The following C13orf42 variants were observed in gnomAD, a reference collection of about 807,000 sequenced individuals.
C13orf42 encodes chromosome 13 open reading frame 42.
chr13:51,123,776 T>G (rs1953555098), intron 1 of C13orf42, among the ~76,000 whole-genome samples: 1 of 152,142 alleles, frequency 6.6e-6, no homozygotes, highest in Non-Finnish European at 1.5e-5. Flanking sequence ...AAACTATAAC[T>G]GAGAAAATTA....
intron 1 of C13orf42, among the ~76,000 whole-genome samples, chr13:51,138,303 T>A (rs1398393496): frequency 6.6e-6 from 1 of 152,244 alleles, no homozygotes; most frequent in African/African-American, 2.4e-5. Context: ...ACACTACAGT[T>A]ATCTTGTACT....
chr13:51,165,296 T>C (rs1273778205), intron 1 of C13orf42, among the ~76,000 whole-genome samples: 1 of 152,260 alleles, frequency 6.6e-6, no homozygotes, highest in Non-Finnish European at 1.5e-5. Flanking sequence ...GTAGCCACTC[T>C]TCTTCTAGCC....
chr13:51,136,580 G>T (rs1593547707), intron 1 of C13orf42, among the ~76,000 whole-genome samples: 1 of 152,292 alleles, frequency 6.6e-6, no homozygotes, highest in East Asian at 1.9e-4. Context: ...TATAAAGCAG[G>T]TCCCAGAGCT....
chr13:51,096,605 A>G (rs571635987), intron 1 of C13orf42, among the ~76,000 whole-genome samples: 7 of 152,176 alleles, frequency 4.6e-5, no homozygotes, highest in Non-Finnish European at 7.4e-5. Flanking sequence ...AGTAACTTCA[A>G]CATTCCAATA....
intron 1 of C13orf42, among the ~76,000 whole-genome samples, chr13:51,157,861 A>C (rs908631554): frequency 6.6e-6 from 1 of 152,232 alleles, no homozygotes; most frequent in Non-Finnish European, 1.5e-5. Flanking sequence ...CTCTCACAAA[A>C]GATTTAAAAT....
At chr13:51,094,274 T>G (rs1193928305) in intron 1 of C13orf42, among the ~76,000 whole-genome samples, 1 of 152,198 alleles carries the variant, frequency 6.6e-6, no homozygotes, top group Non-Finnish European at 1.5e-5. Flanking sequence ...GTTACGGATT[T>G]TATTGCTACA....
At chr13:51,119,249 G>A (rs986913565) in intron 1 of C13orf42, among the ~76,000 whole-genome samples, 2 of 152,078 alleles carry the variant, frequency 1.3e-5, no homozygotes, top group African/African-American at 4.8e-5. Context: ...TCATCAAGAG[G>A]AAATGAGAGG....
At chr13:51,155,394 A>G (rs560227931) in intron 1 of C13orf42, among the ~76,000 whole-genome samples, 10 of 152,374 alleles carry the variant, frequency 6.6e-5, no homozygotes, top group African/African-American at 2.4e-4. Flanking sequence ...AGGGGATTCA[A>G]GAAAGGCTTC....
At chr13:51,108,030 C>A (rs1953380100) in intron 1 of C13orf42, among the ~76,000 whole-genome samples, 1 of 152,228 alleles carries the variant, frequency 6.6e-6, no homozygotes, top group Admixed American at 6.5e-5. Flanking sequence ...CATGCTCCCT[C>A]TGAAGGTGCT....
intron 1 of C13orf42, among the ~76,000 whole-genome samples, chr13:51,156,222 G>A (rs1440142465): frequency 6.6e-6 from 1 of 152,084 alleles, no homozygotes; most frequent in African/African-American, 2.4e-5. Context: ...CAAACAGTTT[G>A]GCTAGGCCTA....
At chr13:51,141,175 G>A (rs1464539936) in intron 1 of C13orf42, among the ~76,000 whole-genome samples, 8 of 148,208 alleles carry the variant, frequency 5.4e-5, no homozygotes. Flanking sequence ...TTGTATTTTG[G>A]GGGGATTTTT....
At chr13:51,116,475 TCCAGGTGAAGG>T (rs1953493467) in intron 1 of C13orf42, among the ~76,000 whole-genome samples, 1 of 152,316 alleles carries the variant, frequency 6.6e-6, no homozygotes, top group East Asian at 1.9e-4. Flanking sequence ...AAGTGCTCTC[TCCAGGTGAAGG>T]CCAGGTAAGC....
upstream of C13orf42, among the ~76,000 whole-genome samples, chr13:51,115,527 A>C (rs1264183123): frequency 6.6e-6 from 1 of 152,158 alleles, no homozygotes; most frequent in Non-Finnish European, 1.5e-5. Context: ...ACCAGCCTGC[A>C]ACTGTACTTC....
chr13:51,170,255 A>G (rs1566145244), intron 1 of C13orf42, among the ~76,000 whole-genome samples: 1 of 152,240 alleles, frequency 6.6e-6, no homozygotes, highest in East Asian at 1.9e-4. Flanking sequence ...CAGGTGAAAT[A>G]AACAGCCATG....
At chr13:51,161,963 G>A (rs935722597) in intron 1 of C13orf42, 3 of 463,672 alleles carry the variant, frequency 6.5e-6, no homozygotes, top group Non-Finnish European at 1.3e-5. Flanking sequence ...TTCATCTCTG[G>A]TTACCTCCAC....
intron 1 of C13orf42, among the ~76,000 whole-genome samples, chr13:51,127,687 A>G (rs550315154): frequency 1.3e-5 from 2 of 152,382 alleles, no homozygotes; most frequent in Admixed American, 6.5e-5. Flanking sequence ...TTATATGCCT[A>G]TAAGACAATA....
In C13orf42 at chr13:51,110,997, C is replaced by A; in HGVS notation, c.213G>T (p.Gln71His). The change falls in exon 1 of 4, where the codon CAG becomes CAT. Residue 71 changes from glutamine (Q) to histidine (H), a missense_variant. Gln to His is a conservative substitution (Grantham distance 24). Coordinates refer to ENST00000563710, the MANE Select transcript of C13orf42 (RefSeq NM_001351589.3). Reference sequence around the variant, plus strand: ...AATACATCCACGCCCGGTCCTCCTCCTGCCGCAGGTAGTACAGGCTGGTGT... The same window carrying A: ...AATACATCCACGCCCGGTCCTCCTCATGCCGCAGGTAGTACAGGCTGGTGT... ...SMDTSLYYLR[Q>H]EEDRAWMYSR... 1 of 398,692 alleles carries A rather than the reference C, an allele frequency of 2.5e-6. No homozygotes were observed. The highest frequency in any genetic ancestry group is 4.4e-6 in the Non-Finnish European group (1 of 226,106). 24.7% of individuals were successfully genotyped at this position (398,692 alleles called of 1,614,324 possible).
At chr13:51,151,935 T>A (rs927743156) in intron 1 of C13orf42, among the ~76,000 whole-genome samples, 14 of 152,174 alleles carry the variant, frequency 9.2e-5, no homozygotes, top group African/African-American at 3.4e-4. Context: ...CCCTTGATCC[T>A]CAAAGTATGG....
chr13:51,150,306 C>T (rs1953768802), intron 1 of C13orf42, among the ~76,000 whole-genome samples: 1 of 152,174 alleles, frequency 6.6e-6, no homozygotes, highest in African/African-American at 2.4e-5. Flanking sequence ...TTGTATGTCA[C>T]AATTTTCAAA....
Sources: gnomAD v4.1 joint callset for allele counts (sites outside exome capture counted in the v4.1 genomes callset) on GRCh38, gnomAD v4.1.1 for gene constraint, MANE v1.5 for transcripts, NCBI Gene and HGNC (gene_info 2026-07-23, HGNC 2026-07-21) for gene names.